ABLIM1: variants seen among roughly 807,000 people sequenced by gnomAD.
The protein encoded by ABLIM1 is actin binding LIM protein 1, also known as actin-binding LIM protein 1.
A neutral mutation model predicts 107.0 loss-of-function variants in ABLIM1; 40 were observed. The ratio of observed to expected loss-of-function variants is 0.37; its 90% confidence interval spans 0.29 to 0.49. The LOEUF (loss-of-function observed/expected upper bound fraction) is 0.49, where lower values mean the gene tolerates loss of function less well. ABLIM1 is among the 20% of genes least tolerant of loss of function. The probability of loss-of-function intolerance (pLI) is 0.97; values close to 1 mark genes in which losing one functional copy is unlikely to be tolerated. For missense variants in ABLIM1, 857 were observed against 1,008.5 expected (o/e 0.85, Z 2.04); for synonymous variants, 357 against 357.3 (o/e 1.00, Z 0.01).
intron 2 of ABLIM1, 122 bp downstream of exon 2, chr10:114,601,705 G>C (rs756127933): frequency 6.1e-5 from 90 of 1,484,540 alleles, no homozygotes; most frequent in Non-Finnish European, 7.9e-5. Context: ...AATGATGTCA[G>C]GGCTTCTGAG....
At chr10:114,732,674 C>T (rs906229308) in intron 1 of ABLIM1, among the ~76,000 whole-genome samples, 1 of 152,094 alleles carries the variant, frequency 6.6e-6, no homozygotes, top group Non-Finnish European at 1.5e-5. Flanking sequence ...TTTTCTATCT[C>T]ACTTACTTTT....
intron 1 of ABLIM1, among the ~76,000 whole-genome samples, chr10:114,647,518 C>T (rs544054083): frequency 2.0e-5 from 3 of 152,314 alleles, no homozygotes; most frequent in African/African-American, 7.2e-5. Context: ...CCAGAATATT[C>T]TAGTGATGTC....
intron 1 of ABLIM1, among the ~76,000 whole-genome samples, chr10:114,608,225 A>G (rs902118050): frequency 1.3e-5 from 2 of 152,164 alleles, no homozygotes; most frequent in African/African-American, 4.8e-5. Context: ...TTAGCTGGGC[A>G]TGGTGGCATG....
chr10:114,714,867 A>G (rs1446035657), intron 1 of ABLIM1, among the ~76,000 whole-genome samples: 7 of 152,140 alleles, frequency 4.6e-5, no homozygotes, highest in Non-Finnish European at 8.8e-5. Flanking sequence ...AGGGATTGTT[A>G]TTTTTTTAAA....
chr10:114,771,003 G>GTATTT (rs1168861740), upstream of ABLIM1, among the ~76,000 whole-genome samples: 1 of 152,044 alleles, frequency 6.6e-6, no homozygotes, highest in Non-Finnish European at 1.5e-5. Context: ...GCTAATTTTT[G>GTATTT]TATTTTTAGT....
intron 1 of ABLIM1, among the ~76,000 whole-genome samples, chr10:114,726,369 A>G (rs1406464117): frequency 6.6e-6 from 1 of 152,162 alleles, no homozygotes; most frequent in Non-Finnish European, 1.5e-5. Context: ...TACAGGCTAT[A>G]CAGGAAGCAT....
intron 12 of ABLIM1, among the ~76,000 whole-genome samples, chr10:114,457,734 T>C (rs1350670489): frequency 6.6e-6 from 1 of 152,234 alleles, no homozygotes; most frequent in Non-Finnish European, 1.5e-5. Flanking sequence ...TTCATCATCA[T>C]CGTTGTCATC....
chr10:114,558,450 G>A (rs2497735), intron 4 of ABLIM1, among the ~76,000 whole-genome samples: 56,610 of 151,952 alleles, frequency 0.37, 13,882 homozygotes, highest in African/African-American at 0.7. Context: ...TGCTAATGAC[G>A]TTCGCAGGAT....
At chr10:114,572,953 C>T (rs567245203) in intron 3 of ABLIM1, among the ~76,000 whole-genome samples, 3 of 152,308 alleles carry the variant, frequency 2.0e-5, no homozygotes, top group South Asian at 4.1e-4. Flanking sequence ...AGAGGCACCT[C>T]GCTTACCCCA....
chr10:114,768,010 C>T, intron 1 of ABLIM1: 1 of 425,982 alleles, frequency 2.3e-6, no homozygotes, highest in Non-Finnish European at 4.7e-6. Flanking sequence ...CCTCCCGCAC[C>T]TGTTCGGCCC....
chr10:114,588,051 T>C (rs551452925), intron 2 of ABLIM1, among the ~76,000 whole-genome samples: 3 of 152,322 alleles, frequency 2.0e-5, no homozygotes, highest in African/African-American at 7.2e-5. Context: ...GTATATAACT[T>C]GATTATGTAT....
chr10:114,743,116 G>T (rs1591925347), intron 1 of ABLIM1, among the ~76,000 whole-genome samples: 1 of 152,066 alleles, frequency 6.6e-6, no homozygotes, highest in Non-Finnish European at 1.5e-5. Flanking sequence ...ATATTTGAGG[G>T]TATAAGTAGT....
At chr10:114,606,230 T>G (rs151031332) in intron 1 of ABLIM1, among the ~76,000 whole-genome samples, 1 of 152,158 alleles carries the variant, frequency 6.6e-6, no homozygotes, top group East Asian at 1.9e-4. Flanking sequence ...CAGAGTCCAA[T>G]TTTTTATTTT....
rs539479541 is a variant in ABLIM1 at position 114,746,317 on chromosome 10, C to T, written c.-213+21744G>A. Among the ~76,000 whole-genome samples, 49 of 152,298 alleles carry T rather than the reference C, an allele frequency of 3.2e-4. 1 individual carries two copies. In the South Asian group the frequency reaches 9.5e-3, roughly 30 times the overall value. The stretch of plus-strand genomic sequence containing the variant: ...ATGAGTTCAATTATTTTAGATTCCA[C>T]ATATAAGCAGGAACGTGTGGTACTT... On this transcript the variant is annotated intron_variant, in intron 1 of 15. Coordinates refer to the ABLIM1 transcript ENST00000651092.
At chr10:114,572,892 C>T (rs1173449267) in intron 3 of ABLIM1, among the ~76,000 whole-genome samples, 4 of 152,174 alleles carry the variant, frequency 2.6e-5, no homozygotes, top group African/African-American at 9.7e-5. Flanking sequence ...CGTGGCTGAC[C>T]CTGCACTTGC....
chr10:114,774,898 C>A, the ABLIM1 span, among the ~76,000 whole-genome samples: 23 of 152,170 alleles, frequency 1.5e-4, no homozygotes, highest in African/African-American at 5.3e-4. Context: ...TCCAAAGATG[C>A]CCATGCCAGG....
In ABLIM1 at chr10:114,541,397, C is replaced by T. The variant is rs146091091; in HGVS notation, c.894+3608G>A. Among the ~76,000 whole-genome samples, 668 of 151,710 alleles carry T rather than the reference C, an allele frequency of 4.4e-3. 5 individuals are homozygous for T. The highest frequency in any genetic ancestry group is 0.016 in the African/African-American group (648 of 41,372). ...TGTGGATAAAATAAATATAAAAAACCCACAAAACCCCAAGGTTCACAGTAT... is the reference window on the plus strand; with the variant it reads ...TGTGGATAAAATAAATATAAAAAACTCACAAAACCCCAAGGTTCACAGTAT... On this transcript the variant is annotated intron_variant, in intron 6 of 22. Transcript: ENST00000533213.
intron 1 of ABLIM1, among the ~76,000 whole-genome samples, chr10:114,751,818 A>C (rs2082520123): frequency 6.6e-6 from 1 of 152,068 alleles, no homozygotes; most frequent in African/African-American, 2.4e-5. Context: ...GGGGAAATGG[A>C]AAGACCATGA....
Position 114,497,504 on chromosome 10 carries a change from C to G in ABLIM1, c.895-5626G>C, listed in dbSNP as rs564500581. Among the ~76,000 whole-genome samples, 3 of 151,840 alleles carry G rather than the reference C, an allele frequency of 2.0e-5. No individual in the cohort carries two copies. In the East Asian group the frequency reaches 5.8e-4, roughly 29 times the overall value. On this transcript the variant is annotated intron_variant, in intron 6 of 22. Coordinates refer to ENST00000533213, the MANE Select transcript of ABLIM1 (RefSeq NM_002313.7). ...ACCATCCTGGTCAACACGGTGAAAC[C>G]CCGTTTCTACTAAAAAAAATATTAA...
Sources: gnomAD v4.1 joint callset for allele counts (sites outside exome capture counted in the v4.1 genomes callset) on GRCh38, gnomAD v4.1.1 for gene constraint, MANE v1.5 for transcripts, NCBI Gene and HGNC (gene_info 2026-07-23, HGNC 2026-07-21) for gene names.